Variants in BCAS3 observed in about 807,000 individuals in gnomAD.
BCAS3 encodes the protein BCAS3 microtubule associated cell migration factor, also known as BCAS4/BCAS3 fusion.
Under a neutral mutation model 116.1 loss-of-function variants are expected in BCAS3, and 53 were observed. That is an observed-to-expected ratio of 0.46 (90% CI 0.37 to 0.57). The LOEUF is 0.57. Ranked by LOEUF, BCAS3 falls within the 20% of genes least tolerant of loss-of-function variation. The probability of loss-of-function intolerance (pLI) is 0.00; values close to 1 mark genes in which losing one functional copy is unlikely to be tolerated. For synonymous variants in BCAS3, 391 were observed against 408.2 expected, an observed-to-expected ratio of 0.96 and a Z score of 0.51; for missense variants, 917 against 1,165.4, an observed-to-expected ratio of 0.79 and a Z score of 3.10.
At position 61,307,961 on chromosome 17, in the gene BCAS3, C is replaced by T. The variant is rs968286045; in HGVS notation, c.2426-60366C>T. On this transcript the variant is annotated intron_variant, in intron 22 of 23. Transcript: ENST00000407086. The surrounding 1 kb of genome is among the most constrained non-coding windows in gnomAD (Gnocchi z 4.7). ...GGAGACTCAAGATTTTCCAAGCACT[C>T]ATTAAATTGAGCAGAGAAGTAATCT... Among the ~76,000 whole-genome samples, 1 of 152,162 alleles carries T rather than the reference C, an allele frequency of 6.6e-6. No homozygotes were observed. Among genetic ancestry groups the T allele is most frequent in the African/African-American group, 2.4e-5 (1 of 41,442 alleles).
intron 22 of BCAS3, among the ~76,000 whole-genome samples, chr17:61,297,899 CT>C (rs142720969): frequency 0.021 from 3,252 of 152,282 alleles, 125 homozygotes; most frequent in African/African-American, 0.072. Flanking sequence ...CCTAAAAAGA[CT>C]GTTTCCAATA....
In BCAS3 at chr17:61,095,961, A is replaced by C. The variant is rs2073943031; in HGVS notation, c.2425+11397A>C. 6.6e-6 allele frequency among the ~76,000 whole-genome samples: 1 copy of C among 152,088 alleles called. No homozygotes were observed. The highest frequency in any genetic ancestry group is 1.5e-5 in the Non-Finnish European group (1 of 68,030). Reference sequence around the variant, plus strand: ...ATTGAATCTGTATATCAAATTTGGAAGTATTGACATCTTAAAAATACTAAA... The same window carrying C: ...ATTGAATCTGTATATCAAATTTGGACGTATTGACATCTTAAAAATACTAAA... On this transcript the variant is annotated intron_variant, in intron 22 of 23. Transcript: ENST00000407086. The surrounding 1 kb of genome is among the most constrained non-coding windows in gnomAD (Gnocchi z 4.7).
Position 61,391,861 on chromosome 17 carries a change from G to A in BCAS3, c.2594-116G>A, listed in dbSNP as rs959145960. 33 of 1,141,864 alleles carry A rather than the reference G, an allele frequency of 2.9e-5. No individual in the cohort carries two copies. The highest frequency in any genetic ancestry group is 2.2e-4 in the East Asian group (9 of 40,412). The allele number at this position is 1,141,864 out of a possible 1,614,324, so 70.7% of individuals were successfully genotyped here. On this transcript the variant is annotated intron_variant, in intron 23 of 23. Transcript: ENST00000407086. This position sits in a 1 kb window ranked among gnomAD's most constrained non-coding sequence, Gnocchi z 7.7. Reference sequence around the variant, plus strand: ...AGGGAGCAGGCGGGGATCCCCCTGCGGAAGGACACAAGTGAACCCAGAATG... The same window carrying A: ...AGGGAGCAGGCGGGGATCCCCCTGCAGAAGGACACAAGTGAACCCAGAATG...
At position 61,235,320 on chromosome 17, in the gene BCAS3, A is replaced by G. The variant is rs907650305; in HGVS notation, c.2426-133007A>G. ...ATCCTTCTTGGCTAGTTATAGTCTA[A>G]GACTTGCAGACAGGCAGCCTGGGAA... On this transcript the variant is annotated intron_variant, in intron 22 of 23. Transcript: ENST00000407086. The surrounding 1 kb of genome is among the most constrained non-coding windows in gnomAD (Gnocchi z 5.0). Among the ~76,000 whole-genome samples, 1 of 152,236 alleles carries G rather than the reference A, an allele frequency of 6.6e-6. No individual in the cohort carries two copies. The highest frequency in any genetic ancestry group is 1.5e-5 in the Non-Finnish European group (1 of 68,040).
chr17:61,117,567 C>T (rs2075547761), intron 22 of BCAS3, among the ~76,000 whole-genome samples: 1 of 152,148 alleles, frequency 6.6e-6, no homozygotes, highest in African/African-American at 2.4e-5. Context: ...TGCAATCCAG[C>T]TTGAGTGACA....
At chr17:61,272,274 A>T (rs1352166588) in intron 22 of BCAS3, among the ~76,000 whole-genome samples, 1 of 152,298 alleles carries the variant, frequency 6.6e-6, no homozygotes, top group Middle Eastern at 3.4e-3. Context: ...TGGGTGCTTA[A>T]TGAAAAATAC....
chr17:60,809,126 A>G (rs909122409), intron 7 of BCAS3, among the ~76,000 whole-genome samples: 1 of 152,126 alleles, frequency 6.6e-6, no homozygotes, highest in African/African-American at 2.4e-5. Context: ...TCTACTAAAA[A>G]TACAAAAATT....
Position 61,368,753 on chromosome 17 carries a change from CAGA to C in BCAS3, c.2593+262_2593+264del, listed in dbSNP as rs1291247249. 6.6e-6 allele frequency among the ~76,000 whole-genome samples: 1 copy of C among 152,180 alleles called. No homozygotes were observed. Among genetic ancestry groups the C allele is most frequent in the African/African-American group, 2.4e-5 (1 of 41,446 alleles). Reference sequence around the variant, plus strand: ...TCAACACCACTGTGCAAGTGGCTCCCAGAAGGACACTTTCCTCCTTTGGGGGTG... The same window carrying C: ...TCAACACCACTGTGCAAGTGGCTCCCAGGACACTTTCCTCCTTTGGGGGTG... On this transcript the variant is annotated intron_variant, in intron 23 of 23. Coordinates refer to ENST00000407086, the MANE Select transcript of BCAS3 (RefSeq NM_017679.5). This position sits in a 1 kb window ranked among gnomAD's most constrained non-coding sequence, Gnocchi z 6.0.
intron 7 of BCAS3, among the ~76,000 whole-genome samples, chr17:60,862,341 A>C (rs2054228163): frequency 6.6e-6 from 1 of 152,122 alleles, no homozygotes; most frequent in Admixed American, 6.6e-5. Flanking sequence ...GTTAGGGGGA[A>C]TCTCTCATGC....
intron 4 of BCAS3, among the ~76,000 whole-genome samples, chr17:60,701,515 T>C (rs1050378361): frequency 6.6e-6 from 1 of 152,124 alleles, no homozygotes; most frequent in Non-Finnish European, 1.5e-5. Flanking sequence ...ATAAATACAT[T>C]GGAAAATTTT....
intron 22 of BCAS3, among the ~76,000 whole-genome samples, chr17:61,174,112 T>C (rs2079008190): frequency 6.6e-6 from 1 of 152,166 alleles, no homozygotes; most frequent in African/African-American, 2.4e-5. Flanking sequence ...AAATAAAAAT[T>C]GTATATATTT....
intron 14 of BCAS3, chr17:60,987,015 G>A (rs914001068): frequency 6.6e-6 from 1 of 152,076 alleles, no homozygotes; most frequent in Non-Finnish European, 1.5e-5. Context: ...TGTGTATGGC[G>A]AGAGATAGGG....
chr17:61,290,036 G>T (rs1053361596), intron 22 of BCAS3, among the ~76,000 whole-genome samples: 7 of 152,170 alleles, frequency 4.6e-5, no homozygotes, highest in Non-Finnish European at 1.0e-4. Context: ...AGAAATTAGG[G>T]TGTTTACTTG....
rs1285740527 is a variant in BCAS3, at chr17:60,920,640, G to A, written c.994-3767G>A. The stretch of plus-strand genomic sequence containing the variant: ...AATCCCAGCACTTTGGGAGGCCGAG[G>A]CAGGCAGATCACGAGGTCGGGAGAT... On this transcript the variant is annotated intron_variant, in intron 12 of 23. Coordinates refer to ENST00000407086, the MANE Select transcript of BCAS3 (RefSeq NM_017679.5). Among the ~76,000 whole-genome samples the A allele has an allele frequency of 3.9e-5, 6 of 152,266 alleles. No individual in the cohort carries two copies. The South Asian group carries it at 6.2e-4, about 16-fold the overall frequency.
chr17:61,284,912 C>A (rs1282920026), intron 22 of BCAS3, among the ~76,000 whole-genome samples: 1 of 152,174 alleles, frequency 6.6e-6, no homozygotes, highest in Non-Finnish European at 1.5e-5. Flanking sequence ...AGAAGCTTCC[C>A]CAGCACCTAG....
intron 6 of BCAS3, among the ~76,000 whole-genome samples, chr17:60,803,430 T>G: frequency 6.6e-6 from 1 of 152,190 alleles, no homozygotes; most frequent in East Asian, 1.9e-4. Flanking sequence ...GGGCGTCAGG[T>G]TTTTTCCCCC....
At position 61,084,365 on chromosome 17, in the gene BCAS3, A is replaced by T; in HGVS notation, c.2328-102A>T. 1.2e-6 allele frequency: 1 copy of T among 856,772 alleles called. No homozygotes were observed. Among genetic ancestry groups the T allele is most frequent in the Non-Finnish European group, 1.8e-6 (1 of 557,252 alleles). 53.1% of individuals were successfully genotyped at this position (856,772 alleles called of 1,614,324 possible). A position where few individuals can be genotyped will look rare whatever the true frequency, so the allele number is the denominator to read the frequency against. On this transcript the variant is annotated intron_variant, in intron 21 of 23. Transcript: ENST00000407086. This position sits in a 1 kb window ranked among gnomAD's most constrained non-coding sequence, Gnocchi z 5.5. ...CTTGTTTTAGAATGGATGGTTCTTT[A>T]ATGGATTGTGCTACTCCAGCATTCC... is the stretch of plus-strand genomic sequence containing the variant.
chr17:60,847,169 C>G (rs539245059), intron 7 of BCAS3, among the ~76,000 whole-genome samples: 1 of 152,202 alleles, frequency 6.6e-6, no homozygotes, highest in Admixed American at 6.5e-5. Context: ...CTTTTTATGG[C>G]CGAATAATAT....
At position 61,278,704 on chromosome 17, in the gene BCAS3, A is replaced by C. The variant is rs187301766; in HGVS notation, c.2426-89623A>C. Among the ~76,000 whole-genome samples the C allele has an allele frequency of 4.6e-4, 70 of 152,334 alleles. No individual in the cohort carries two copies. Among genetic ancestry groups the C allele is most frequent in the African/African-American group, 1.7e-3 (70 of 41,578 alleles). On this transcript the variant is annotated intron_variant, in intron 22 of 23. Transcript: ENST00000407086. This position sits in a 1 kb window ranked among gnomAD's most constrained non-coding sequence, Gnocchi z 5.8. ...CATACTGCAGCAAAGATCAGCCTTGAAAATATTTGTGACTGGAAGAACCAG... is the reference window on the plus strand; with the variant it reads ...CATACTGCAGCAAAGATCAGCCTTGCAAATATTTGTGACTGGAAGAACCAG...
Sources: gnomAD v4.1 joint callset for allele counts (sites outside exome capture counted in the v4.1 genomes callset) on GRCh38, gnomAD v4.1.1 for gene constraint, Gnocchi (gnomAD v3.1) non-coding constraint, MANE v1.5 for transcripts, NCBI Gene and HGNC (gene_info 2026-07-23, HGNC 2026-07-21) for gene names.